LRRC7: variants seen among roughly 807,000 people sequenced by gnomAD.
LRRC7 encodes leucine rich repeat containing 7, also known as leucine-rich repeat-containing protein 7.
Under a neutral mutation model 175.7 loss-of-function variants are expected in LRRC7, and 23 were observed. The observed-to-expected ratio is 0.13, with a 90% CI of 0.09 to 0.19. LRRC7 has a LOEUF of 0.19. Ranked by LOEUF, LRRC7 falls within the 10% of genes least tolerant of loss-of-function variation. LRRC7 has a pLI of 1.00. For synonymous variants in LRRC7, 685 were observed against 680.9 expected, an observed-to-expected ratio of 1.01 and a Z score of -0.09; for missense variants, 1,354 against 1,904.7, an observed-to-expected ratio of 0.71 and a Z score of 5.38.
At chr1:69,842,815 T>C (rs925326408) in intron 7 of LRRC7, among the ~76,000 whole-genome samples, 4 of 152,154 alleles carry the variant, frequency 2.6e-5, no homozygotes, top group African/African-American at 9.6e-5. Flanking sequence ...CTATTTTCAG[T>C]ATATGAATAA....
intron 7 of LRRC7, among the ~76,000 whole-genome samples, chr1:69,895,277 TTAC>T (rs1453418270): frequency 6.6e-6 from 1 of 152,054 alleles, no homozygotes; most frequent in Non-Finnish European, 1.5e-5. Flanking sequence ...TTGAGTGTTC[TTAC>T]TACAAAAATA....
intron 1 of LRRC7, among the ~76,000 whole-genome samples, chr1:69,589,027 A>G (rs1646518272): frequency 9.1e-6 from 1 of 109,340 alleles, no homozygotes; most frequent in Non-Finnish European, 2.0e-5. Flanking sequence ...GTGATGTAAT[A>G]TACATGTAAT....
chr1:70,089,688 A>G, intron 24 of LRRC7, 39 bp from the exon 25 acceptor site: 1 of 1,323,986 alleles, frequency 7.6e-7, no homozygotes, highest in South Asian at 1.3e-5. Context: ...TTTAGCTTTG[A>G]TAACTGTTTA....
chr1:70,104,495 G>A lies in LRRC7; in HGVS notation c.4546-3257G>A, dbSNP rs536832590. Among the ~76,000 whole-genome samples, 25 of 152,256 alleles carry A rather than the reference G, an allele frequency of 1.6e-4. No individual in the cohort carries two copies. The South Asian group carries it at 2.5e-3, about 15-fold the overall frequency. On this transcript the variant is annotated intron_variant, in intron 25 of 26. Transcript: ENST00000651989. ...ACCATGATCAAACAAAGCAGTCATT[G>A]CTTTCTGCTTGGATTAATGTGGCAG...
rs1239007194 is a variant in LRRC7 at position 70,136,626 on chromosome 1, A to G, written c.*14739A>G. On this transcript the variant is annotated 3_prime_UTR_variant, in exon 27 of 27. Coordinates refer to ENST00000651989, the MANE Select transcript of LRRC7 (RefSeq NM_001370785.2). ...GTCTAATAAATGCTATCGTGTAGGTACAAAATATGAGGAAAGAACACTGTA... is the reference window on the plus strand; with the variant it reads ...GTCTAATAAATGCTATCGTGTAGGTGCAAAATATGAGGAAAGAACACTGTA... 6.6e-6 allele frequency among the ~76,000 whole-genome samples: 1 copy of G among 152,112 alleles called. No individual in the cohort carries two copies. Among genetic ancestry groups the G allele is most frequent in the Non-Finnish European group, 1.5e-5 (1 of 68,014 alleles).
At chr1:69,974,370 A>G (rs1652598487) in intron 8 of LRRC7, among the ~76,000 whole-genome samples, 1 of 152,134 alleles carries the variant, frequency 6.6e-6, no homozygotes, top group Admixed American at 6.5e-5. Context: ...TTAGAAGTAG[A>G]TAAGAAAGTT....
intron 7 of LRRC7, among the ~76,000 whole-genome samples, chr1:69,864,446 T>A (rs1164693104): frequency 6.6e-6 from 1 of 152,222 alleles, no homozygotes; most frequent in Non-Finnish European, 1.5e-5. Context: ...TATTAAAATA[T>A]GTGTGAAAAA....
At chr1:69,837,374 T>C (rs1681238052) in intron 6 of LRRC7, among the ~76,000 whole-genome samples, 1 of 151,902 alleles carries the variant, frequency 6.6e-6, no homozygotes. Context: ...ATACCAGAAA[T>C]TATGCTTTAC....
intron 26 of LRRC7, among the ~76,000 whole-genome samples, chr1:70,109,881 A>G (rs1414660393): frequency 6.6e-6 from 1 of 152,214 alleles, no homozygotes; most frequent in Non-Finnish European, 1.5e-5. Context: ...TCTGGAAAAA[A>G]ATATAGCCAA....
chr1:69,786,376 C>T (rs1447350156), intron 3 of LRRC7, among the ~76,000 whole-genome samples: 2 of 151,530 alleles, frequency 1.3e-5, no homozygotes, highest in East Asian at 1.9e-4. Context: ...CCTTTCCTTC[C>T]CTCTCTCCCT....
In LRRC7 at chr1:69,838,251, G is replaced by A; in HGVS notation, c.615G>A (p.Glu205=). 1 of 1,609,240 alleles carries A rather than the reference G, an allele frequency of 6.2e-7. No individual in the cohort carries two copies. Among genetic ancestry groups the A allele is most frequent in the East Asian group, 2.2e-5 (1 of 44,580 alleles). Residue 205 remains glutamate (E), a synonymous_variant, in exon 7 of 27, where the codon GAG becomes GAA. Coordinates refer to ENST00000651989, the MANE Select transcript of LRRC7 (RefSeq NM_001370785.2). ...GACTTGTCAAATTGCGGATCTTGGA[G>A]TTAAGAGAAAATCACTTGAAAACTC... ...FGRLVKLRIL[E]LRENHLKTLP... is the part of the protein sequence containing the mutation.
chr1:70,058,243 C>G (rs894995721), intron 23 of LRRC7, among the ~76,000 whole-genome samples: 3 of 152,182 alleles, frequency 2.0e-5, no homozygotes, highest in African/African-American at 7.2e-5. Context: ...CTCCTGACCT[C>G]AAGTGATCTG....
intron 7 of LRRC7, among the ~76,000 whole-genome samples, chr1:69,881,425 T>C (rs1686587465): frequency 6.6e-6 from 1 of 152,244 alleles, no homozygotes; most frequent in African/African-American, 2.4e-5. Context: ...TGCTAGAACA[T>C]TGTTGAGTTT....
chr1:69,780,175 G>A (rs951521302), intron 3 of LRRC7, among the ~76,000 whole-genome samples: 4 of 152,134 alleles, frequency 2.6e-5, no homozygotes, highest in African/African-American at 9.7e-5. Context: ...AATATTTAAG[G>A]GGTAGATGTT....
intron 1 of LRRC7, among the ~76,000 whole-genome samples, chr1:69,595,180 G>T (rs1032566644): frequency 6.6e-6 from 1 of 152,102 alleles, no homozygotes; most frequent in Non-Finnish European, 1.5e-5. Context: ...CCAGCACTTT[G>T]AGAGGCTAAA....
In LRRC7 at chr1:70,125,188, TA is replaced by T. The variant is rs1168625706; in HGVS notation, c.*3305del. Among the ~76,000 whole-genome samples the T allele has an allele frequency of 6.6e-6, 1 of 152,230 alleles. No individual in the cohort carries two copies. The highest frequency in any genetic ancestry group is 1.5e-5 in the Non-Finnish European group (1 of 68,036). The stretch of plus-strand genomic sequence containing the variant: ...CTAATGTATTGCTCATTGAAGCCTA[TA>T]AAAGATATGTATCTCCATTACTTAG... On this transcript the variant is annotated 3_prime_UTR_variant, in exon 27 of 27. Transcript: ENST00000651989.
In LRRC7 at chr1:70,107,797, C is replaced by T; in HGVS notation, c.4591C>T (p.Leu1531=). ...RVQPDGPASN[L]LQPGDKILQA... The stretch of plus-strand genomic sequence containing the variant: ...TCAGCCTGATGGGCCAGCATCAAAC[C>T]TACTGCAGCCTGGTGATAAGATCCT... Residue 1531 remains leucine (L), a synonymous_variant, in exon 26 of 27, where the codon CTA becomes TTA. Transcript: ENST00000651989. 6.2e-7 allele frequency: 1 copy of T among 1,613,044 alleles called. No homozygotes were observed. The highest frequency in any genetic ancestry group is 8.5e-7 in the Non-Finnish European group (1 of 1,179,268).
At chr1:69,898,727 T>G (rs1646050709) in intron 7 of LRRC7, among the ~76,000 whole-genome samples, 1 of 152,188 alleles carries the variant, frequency 6.6e-6, no homozygotes, top group African/African-American at 2.4e-5. Context: ...CAGGAACTTC[T>G]GTAGATAGTA....
At chr1:69,990,455 TACTC>T (rs1654335329) in intron 10 of LRRC7, among the ~76,000 whole-genome samples, 1 of 152,060 alleles carries the variant, frequency 6.6e-6, no homozygotes, top group Non-Finnish European at 1.5e-5. Flanking sequence ...TTAATTAAAT[TACTC>T]AATTTGGTAA....
Sources: gnomAD v4.1 joint callset for allele counts (sites outside exome capture counted in the v4.1 genomes callset) on GRCh38, gnomAD v4.1.1 for gene constraint, MANE v1.5 for transcripts, NCBI Gene and HGNC (gene_info 2026-07-23, HGNC 2026-07-21) for gene names.